The following ABCC8 variants were observed in gnomAD, a reference collection of about 807,000 sequenced individuals.
ABCC8 encodes the protein ATP-binding cassette sub-family C member 8.
ABCC8 carries 137 observed loss-of-function variants against 188.0 expected under a neutral mutation model. That is an observed-to-expected ratio of 0.73 (90% CI 0.63 to 0.84). ABCC8 has a LOEUF of 0.84. Ranked by LOEUF, ABCC8 falls within the 40% of genes least tolerant of loss-of-function variation. ABCC8 has a pLI of 0.00. For synonymous variants in ABCC8, 797 were observed against 846.5 expected, an observed-to-expected ratio of 0.94 and a Z score of 1.01; for missense variants, 1,750 against 2,072.7, an observed-to-expected ratio of 0.84 and a Z score of 3.02.
chr11:17,393,799 G>A (rs756977947), intron 37 of ABCC8, 40 bp from the exon 38 acceptor site: 2 of 1,614,060 alleles, frequency 1.2e-6, no homozygotes, highest in Non-Finnish European at 1.7e-6. Flanking sequence ...CACCTGCCCA[G>A]TGGATGGGGT....
intron 16 of ABCC8, among the ~76,000 whole-genome samples, chr11:17,417,216 G>T (rs1290731301): frequency 6.6e-6 from 1 of 152,230 alleles, no homozygotes; most frequent in African/African-American, 2.4e-5. Flanking sequence ...GCAGCGGTGA[G>T]GCTGGCTGGG....
At chr11:17,399,995 G>A (rs1019410991) in intron 29 of ABCC8, among the ~76,000 whole-genome samples, 2 of 152,210 alleles carry the variant, frequency 1.3e-5, no homozygotes, top group Non-Finnish European at 2.9e-5. Flanking sequence ...AGATGCAGGA[G>A]CACTTGTTTG....
intron 22 of ABCC8, among the ~76,000 whole-genome samples, chr11:17,409,436 C>T (rs1954704410): frequency 2.0e-5 from 3 of 152,162 alleles, no homozygotes; most frequent in South Asian, 4.1e-4. Context: ...CAGGATTGTC[C>T]TGAACTACAA....
chr11:17,399,885 C>A (rs11607550), intron 29 of ABCC8, among the ~76,000 whole-genome samples: 1 of 152,178 alleles, frequency 6.6e-6, no homozygotes, highest in Admixed American at 6.5e-5. Flanking sequence ...TGAGTTACTG[C>A]GCATGGACCT....
At position 17,448,582 on chromosome 11, in the gene ABCC8, G is replaced by T; in HGVS notation, c.1266C>A (p.Ala422=). The T allele has an allele frequency of 6.2e-7, 1 of 1,614,192 alleles. No individual in the cohort carries two copies. The highest frequency in any genetic ancestry group is 8.5e-7 in the Non-Finnish European group (1 of 1,180,038). ...MTAGQICNLV[A]IDTNQLMWFF... ...ACCACATGAGCTGATTGGTGTCGAT[G>T]GCAACCAGATTACAGATCTGTCCAG... The change falls in exon 8 of 39, where the codon GCC becomes GCA. Residue 422 remains alanine (A), a synonymous_variant. Coordinates refer to ENST00000389817, the MANE Select transcript of ABCC8 (RefSeq NM_000352.6).
chr11:17,461,448 A>G (rs1668212662), intron 5 of ABCC8, 135 bp downstream of exon 5: 6 of 1,183,822 alleles, frequency 5.1e-6, no homozygotes, highest in Non-Finnish European at 7.4e-6. Context: ...GACTTAAGGC[A>G]AGCTTCTTCC....
chr11:17,453,067 T>C (rs557829391), intron 7 of ABCC8, 52 bp downstream of exon 7: 1 of 1,465,698 alleles, frequency 6.8e-7, no homozygotes, highest in East Asian at 2.3e-5. Flanking sequence ...TCATGGACAT[T>C]ATTCCTAATA....
At chr11:17,463,417 T>A in intron 4 of ABCC8, 21 bp downstream of exon 4, 2 of 1,584,340 alleles carry the variant, frequency 1.3e-6, no homozygotes, top group Non-Finnish European at 1.7e-6. Flanking sequence ...CACCCCACCC[T>A]GGCCCAGGTG....
At chr11:17,450,292 TTCTTTCTTTC>T (rs1956729938) in intron 7 of ABCC8, among the ~76,000 whole-genome samples, 1 of 138,718 alleles carries the variant, frequency 7.2e-6, no homozygotes, top group African/African-American at 3.1e-5. Context: ...CTTTCTTTCT[TTCTTTCTTTC>T]TTTCTTTCTT....
intron 12 of ABCC8, chr11:17,430,547 GTTT>G: frequency 1.1e-4 from 47 of 432,312 alleles, no homozygotes; most frequent in Non-Finnish European, 1.2e-4. Flanking sequence ...CTCAACACTG[GTTT>G]TTTTTTTTTT....
chr11:17,424,819 A>T (rs1378321441), intron 16 of ABCC8, among the ~76,000 whole-genome samples: 4 of 152,216 alleles, frequency 2.6e-5, no homozygotes, highest in Non-Finnish European at 5.9e-5. Context: ...ACATGGGCAG[A>T]GTCTCTGCTC....
intron 10 of ABCC8, among the ~76,000 whole-genome samples, chr11:17,433,244 C>T (rs931319101): frequency 2.6e-5 from 4 of 152,206 alleles, no homozygotes; most frequent in African/African-American, 4.8e-5. Flanking sequence ...CCCATCTATC[C>T]TCTTTCATTC....
intron 9 of ABCC8, 131 bp downstream of exon 9, chr11:17,443,047 T>TGGTA: frequency 6.7e-7 from 1 of 1,500,392 alleles, no homozygotes. Context: ...AGCTGAGGCC[T>TGGTA]GGACAGGTGA....
chr11:17,444,568 C>T (rs1249406033), intron 8 of ABCC8, among the ~76,000 whole-genome samples: 2 of 152,226 alleles, frequency 1.3e-5, no homozygotes, highest in African/African-American at 2.4e-5. Flanking sequence ...CCCATCCCCT[C>T]CTCCTAGGTG....
At chr11:17,450,270 CT>C (rs1405231007) in intron 7 of ABCC8, among the ~76,000 whole-genome samples, 2 of 116,746 alleles carry the variant, frequency 1.7e-5, no homozygotes, top group African/African-American at 7.5e-5. Flanking sequence ...CTCTTTCTTT[CT>C]TTCTTTCTTT....
At chr11:17,468,903 C>T (rs1013101276) in intron 3 of ABCC8, among the ~76,000 whole-genome samples, 2 of 152,114 alleles carry the variant, frequency 1.3e-5, no homozygotes, top group Non-Finnish European at 2.9e-5. Flanking sequence ...GCCTGGGACC[C>T]CAGTCCTGCA....
chr11:17,467,315 G>T (rs1258770584), intron 3 of ABCC8, among the ~76,000 whole-genome samples: 2 of 152,160 alleles, frequency 1.3e-5, no homozygotes, highest in Non-Finnish European at 2.9e-5. Flanking sequence ...TACTCAGCAG[G>T]CTGAGGCACA....
chr11:17,426,948 C>A, intron 16 of ABCC8, 101 bp downstream of exon 16: 9 of 1,370,614 alleles, frequency 6.6e-6, no homozygotes, highest in Non-Finnish European at 9.0e-6. Context: ...CCTCACTGAA[C>A]ACAGAGTGGG....
rs1287983087 is a variant in ABCC8, at chr11:17,443,065, T to C, written c.1467+113A>G. 2.7e-6 allele frequency: 4 copies of C among 1,506,266 alleles called. No homozygotes were observed. The East Asian group carries it at 9.1e-5, about 34-fold the overall frequency. The allele number at this position is 1,506,266 out of a possible 1,614,324, so 93.3% of individuals were successfully genotyped here. ...TGAGGCCTGGACAGGTGAAGTGGCC[T>C]ACTCAAAGTCAAAGTCAAAGTCAAT... On this transcript the variant is annotated intron_variant, in intron 9 of 38. Coordinates refer to ENST00000389817, the MANE Select transcript of ABCC8 (RefSeq NM_000352.6).
Sources: gnomAD v4.1 joint callset for allele counts (sites outside exome capture counted in the v4.1 genomes callset) on GRCh38, gnomAD v4.1.1 for gene constraint, MANE v1.5 for transcripts, NCBI Gene and HGNC (gene_info 2026-07-23, HGNC 2026-07-21) for gene names.